The following SYNE2 variants were observed in gnomAD, a reference collection of about 807,000 sequenced individuals.
SYNE2 encodes spectrin repeat containing nuclear envelope protein 2.
SYNE2 carries 431 observed loss-of-function variants against 856.3 expected under a neutral mutation model. The observed-to-expected ratio is 0.50, with a 90% CI of 0.47 to 0.55. The LOEUF is 0.55. Among genes scored for constraint, SYNE2 ranks in the 20% least tolerant of loss-of-function variants. SYNE2 has a pLI of 0.00. For missense variants in SYNE2, 8,129 were observed against 8,023.2 expected (o/e 1.01, Z -0.50); for synonymous variants, 2,923 against 2,872.3 (o/e 1.02, Z -0.56).
chr14:64,047,176 GGA>G (rs896437232), intron 45 of SYNE2, among the ~76,000 whole-genome samples: 16 of 152,312 alleles, frequency 1.1e-4, no homozygotes, highest in Middle Eastern at 3.4e-3. Context: ...GGCTCTCAGT[GGA>G]GAGGGAAGCT....
At chr14:64,110,150 G>A (rs1482470884) in intron 65 of SYNE2, among the ~76,000 whole-genome samples, 1 of 151,794 alleles carries the variant, frequency 6.6e-6, no homozygotes, top group African/African-American at 2.4e-5. Context: ...AGCAGTGGGG[G>A]AGATATGCAG....
rs1285609039 is a variant in SYNE2, at chr14:64,159,322, A to G, written c.15974A>G (p.Asp5325Gly). The part of the protein sequence containing the change: ...CQVENLQSLQ[D>G]EAESSEGSWE... ...GTTTGTGTCTCTTAGTCTCTGCAAG[A>G]TGAAGCTGAGAGCAGTGAAGGGAGT... The change falls in exon 87 of 116, where the codon GAT becomes GGT. Residue 5325 changes from aspartate to glycine, a missense_variant. Transcript: ENST00000555002. The G allele has an allele frequency of 2.5e-6, 4 of 1,613,956 alleles. No individual in the cohort carries two copies. The highest frequency in any genetic ancestry group is 3.4e-6 in the Non-Finnish European group (4 of 1,179,862).
At chr14:63,811,571 AATATT>A (rs1888617283) in intron 1 of SYNE2, among the ~76,000 whole-genome samples, 1 of 152,132 alleles carries the variant, frequency 6.6e-6, no homozygotes, top group Admixed American at 6.6e-5. Flanking sequence ...CCTTGAGTGG[AATATT>A]ATATTTTCAG....
intron 28 of SYNE2, among the ~76,000 whole-genome samples, chr14:64,001,170 T>A (rs551488667): frequency 1.1e-4 from 16 of 152,340 alleles, no homozygotes; most frequent in African/African-American, 3.8e-4. Context: ...TACTTACCTA[T>A]GGTCACACAT....
At chr14:63,904,812 G>C (rs1485493437) in intron 1 of SYNE2, among the ~76,000 whole-genome samples, 1 of 152,048 alleles carries the variant, frequency 6.6e-6, no homozygotes, top group Non-Finnish European at 1.5e-5. Flanking sequence ...TCTTTAATTA[G>C]ATCCCATTTG....
chr14:63,994,020 G>C, intron 22 of SYNE2, 51 bp downstream of exon 22: 1 of 1,595,440 alleles, frequency 6.3e-7, no homozygotes, highest in Non-Finnish European at 8.6e-7. Flanking sequence ...GTCTGATCCT[G>C]GGCTGTTGGT....
chr14:64,044,995 G>A (rs935894590), intron 45 of SYNE2, among the ~76,000 whole-genome samples: 12 of 152,158 alleles, frequency 7.9e-5, no homozygotes, highest in Non-Finnish European at 1.5e-4. Context: ...TAAAATGAAT[G>A]TGCAGAGTAA....
intron 60 of SYNE2, 31 bp downstream of exon 60, chr14:64,091,079 T>G (rs2097608578): frequency 4.4e-6 from 7 of 1,602,984 alleles, no homozygotes; most frequent in Non-Finnish European, 6.0e-6. Context: ...TCCAACTTAC[T>G]GGATGAAAAT....
chr14:64,034,714 A>G (rs1012933635), intron 45 of SYNE2: 7 of 411,260 alleles, frequency 1.7e-5, no homozygotes, highest in African/African-American at 6.1e-5. Flanking sequence ...TTATGATTCA[A>G]TACCATACTG....
intron 1 of SYNE2, among the ~76,000 whole-genome samples, chr14:63,812,259 G>A (rs528882885): frequency 2.0e-5 from 3 of 152,286 alleles, no homozygotes; most frequent in Admixed American, 1.3e-4. Context: ...AAAGAATTCA[G>A]TGATATCTTC....
intron 85 of SYNE2, 105 bp downstream of exon 85, chr14:64,152,821 A>C: frequency 1.4e-6 from 2 of 1,410,542 alleles, no homozygotes; most frequent in South Asian, 2.4e-5. Flanking sequence ...TCTCTATACC[A>C]AACACTGAAA....
chr14:63,765,254 T>A (rs1234685250), intron 1 of SYNE2, among the ~76,000 whole-genome samples: 1 of 152,200 alleles, frequency 6.6e-6, no homozygotes, highest in Non-Finnish European at 1.5e-5. Flanking sequence ...AAGGGATGGA[T>A]CTGAAAACAA....
intron 64 of SYNE2, among the ~76,000 whole-genome samples, chr14:64,102,437 A>G (rs2097738460): frequency 6.6e-6 from 1 of 152,014 alleles, no homozygotes; most frequent in Admixed American, 6.6e-5. Flanking sequence ...AGGAATAAAA[A>G]TAAGGATAGT....
At chr14:63,977,775 A>C (rs1039481914) in intron 12 of SYNE2, 130 bp from the exon 13 acceptor site, 15 of 699,032 alleles carry the variant, frequency 2.1e-5, no homozygotes, top group Non-Finnish European at 3.6e-5. Flanking sequence ...ACAATAAAAA[A>C]AAGGTGGGTT....
Position 64,021,402 on chromosome 14 carries a change from A to G in SYNE2, c.5239A>G (p.Thr1747Ala). ...CAACTGCCATGCACTCAGTGGCAGC[A>G]CTGCTGAGCTAAGGGAGGATCTCGA... ...ESNCHALSGS[T>A]AELREDLDQA... Residue 1747 changes from threonine (T) to alanine (A), a missense_variant, in exon 36 of 116, where the codon ACT becomes GCT. By Grantham distance (58) the Thr-to-Ala change is moderately conservative. Transcript: ENST00000555002. 6.2e-7 allele frequency: 1 copy of G among 1,614,180 alleles called. No individual in the cohort carries two copies. The highest frequency in any genetic ancestry group is 8.5e-7 in the Non-Finnish European group (1 of 1,180,014).
intron 1 of SYNE2, among the ~76,000 whole-genome samples, chr14:63,823,494 TGAA>T (rs1325138573): frequency 6.6e-6 from 1 of 151,792 alleles, no homozygotes; most frequent in Non-Finnish European, 1.5e-5. Flanking sequence ...ACCAAATTTT[TGAA>T]GAAGAATTAA....
chr14:64,163,434 A>C lies in SYNE2; in HGVS notation c.16332A>C (p.Glu5444Asp), dbSNP rs368532973. The C allele has an allele frequency of 6.2e-7, 1 of 1,614,152 alleles. No individual in the cohort carries two copies. The highest frequency in any genetic ancestry group is 8.5e-7 in the Non-Finnish European group (1 of 1,180,028). The stretch of plus-strand genomic sequence containing the variant: ...AGCATGATGTGCAGAAAACAAAAGA[A>C]GCCTTTCTCCAAAATTCCAGTGTCC... ...ELQHDVQKTK[E>D]AFLQNSSVLD... The change falls in exon 89 of 116, where the codon GAA (glutamate) becomes GAC (aspartate). Residue 5444 changes from glutamate to aspartate, a missense_variant. By Grantham distance (45) the Glu-to-Asp change is conservative. Coordinates refer to ENST00000555002, the MANE Select transcript of SYNE2 (RefSeq NM_182914.3).
intron 84 of SYNE2, among the ~76,000 whole-genome samples, chr14:64,148,430 C>T (rs964432306): frequency 4.6e-5 from 7 of 152,286 alleles, no homozygotes; most frequent in Admixed American, 6.5e-5. Context: ...AAGAAATTTA[C>T]AGACATGCCT....
At chr14:64,127,052 G>A (rs2153673102) in intron 73 of SYNE2, among the ~76,000 whole-genome samples, 1 of 152,258 alleles carries the variant, frequency 6.6e-6, no homozygotes, top group East Asian at 1.9e-4. Flanking sequence ...CCTGAGGTCA[G>A]GAGATTGAGA....
Sources: allele counts gnomAD v4.1 joint callset (sites outside exome capture counted in the v4.1 genomes callset), GRCh38; gene constraint gnomAD v4.1.1; transcripts MANE v1.5; gene names NCBI Gene and HGNC (gene_info 2026-07-23, HGNC 2026-07-21).